Variants in ITGB3BP observed in about 807,000 individuals in gnomAD.
ITGB3BP encodes centromere protein R.
ITGB3BP carries 27 observed loss-of-function variants against 29.1 expected under a neutral mutation model. The ratio of observed to expected loss-of-function variants is 0.93; its 90% CI spans 0.68 to 1.28. ITGB3BP has a LOEUF of 1.28. Among genes scored for constraint, ITGB3BP ranks in the 50% most tolerant of loss-of-function variants. The pLI is 0.00. For synonymous variants in ITGB3BP, 61 were observed against 61.4 expected, an observed-to-expected ratio of 0.99 and a Z score of 0.03; for missense variants, 192 against 200.2, an observed-to-expected ratio of 0.96 and a Z score of 0.25.
At chr1:63,468,870 T>G (rs1645144925) in intron 4 of ITGB3BP, among the ~76,000 whole-genome samples, 1 of 85,254 alleles carries the variant, frequency 1.2e-5, no homozygotes, top group Admixed American at 1.2e-4. Context: ...TCAAAATAAA[T>G]AAATAAATAA....
chr1:63,460,125 A>G (rs912840607), intron 4 of ITGB3BP, among the ~76,000 whole-genome samples: 1 of 152,126 alleles, frequency 6.6e-6, no homozygotes, highest in Admixed American at 6.5e-5. Flanking sequence ...TTTTTCTAAA[A>G]AAATTTCTTA....
chr1:63,493,105 A>G (rs1461273803), intron 2 of ITGB3BP, among the ~76,000 whole-genome samples: 1 of 126,904 alleles, frequency 7.9e-6, no homozygotes, highest in South Asian at 2.8e-4. Flanking sequence ...CGCGCGCAAG[A>G]AAATAGATGT....
At chr1:63,506,116 T>C (rs940154936) in intron 2 of ITGB3BP, among the ~76,000 whole-genome samples, 27 of 152,326 alleles carry the variant, frequency 1.8e-4, no homozygotes, top group Non-Finnish European at 3.7e-4. Context: ...CAGTGGGTTG[T>C]TAAAGTCTCC....
chr1:63,495,961 A>G (rs1645776930), intron 2 of ITGB3BP, among the ~76,000 whole-genome samples: 1 of 152,068 alleles, frequency 6.6e-6, no homozygotes, highest in Non-Finnish European at 1.5e-5. Context: ...TCTACTCATA[A>G]CCCATTCTTG....
chr1:63,527,421 T>C (rs972998499), upstream of ITGB3BP, among the ~76,000 whole-genome samples: 3 of 110,542 alleles, frequency 2.7e-5, no homozygotes, highest in African/African-American at 4.0e-5. Flanking sequence ...ACACCTTTCA[T>C]CTATATCCTT....
At chr1:63,464,897 T>C (rs1645073770) in intron 4 of ITGB3BP, among the ~76,000 whole-genome samples, 1 of 152,104 alleles carries the variant, frequency 6.6e-6, no homozygotes, top group Non-Finnish European at 1.5e-5. Flanking sequence ...TATTTAAAAA[T>C]ATCACTGTCA....
intron 4 of ITGB3BP, among the ~76,000 whole-genome samples, chr1:63,460,591 A>C (rs915687610): frequency 6.6e-6 from 1 of 152,198 alleles, no homozygotes; most frequent in Admixed American, 6.5e-5. Flanking sequence ...ATTGTGAATA[A>C]TGATGGAATA....
intron 2 of ITGB3BP, among the ~76,000 whole-genome samples, chr1:63,493,095 C>T (rs972615660): frequency 2.6e-5 from 4 of 151,426 alleles, no homozygotes; most frequent in Admixed American, 1.3e-4. Context: ...CACACGCGCG[C>T]GCGCGCAAGA....
intron 4 of ITGB3BP, among the ~76,000 whole-genome samples, chr1:63,474,928 A>G (rs2100608143): frequency 6.6e-6 from 1 of 150,686 alleles, no homozygotes; most frequent in African/African-American, 2.4e-5. Context: ...AAACAAAACA[A>G]AACAAAAACA....
chr1:63,503,647 T>C (rs1645996773), intron 2 of ITGB3BP, among the ~76,000 whole-genome samples: 1 of 152,222 alleles, frequency 6.6e-6, no homozygotes, highest in East Asian at 1.9e-4. Context: ...TGGTTTTAGG[T>C]CTAACATTTA....
chr1:63,478,542 C>G (rs1254313353), intron 4 of ITGB3BP, among the ~76,000 whole-genome samples: 1 of 152,188 alleles, frequency 6.6e-6, no homozygotes, highest in Non-Finnish European at 1.5e-5. Flanking sequence ...GCTCGGAGAA[C>G]AGGGCTCAAT....
chr1:63,494,038 T>C (rs373809392), intron 2 of ITGB3BP, among the ~76,000 whole-genome samples: 4 of 152,362 alleles, frequency 2.6e-5, no homozygotes, highest in Admixed American at 6.5e-5. Flanking sequence ...TTACTAGTAC[T>C]AATTATGAAA....
At chr1:63,447,029 A>G (rs1644799427) in intron 7 of ITGB3BP, 173 bp from the exon 8 acceptor site, 1 of 576,472 alleles carries the variant, frequency 1.7e-6, no homozygotes, top group South Asian at 2.4e-5. Flanking sequence ...TGCTATAGTT[A>G]GCCTGATTCT....
At chr1:63,483,976 G>C (rs1317957810) in intron 3 of ITGB3BP, among the ~76,000 whole-genome samples, 1 of 152,124 alleles carries the variant, frequency 6.6e-6, no homozygotes, top group Non-Finnish European at 1.5e-5. Context: ...ACCAAACAAT[G>C]CTTTCCTCAG....
chr1:63,459,545 GA>G (rs1275586267), intron 4 of ITGB3BP, among the ~76,000 whole-genome samples: 1 of 152,056 alleles, frequency 6.6e-6, no homozygotes, highest in Non-Finnish European at 1.5e-5. Flanking sequence ...GTTGAATTAT[GA>G]AAACAATGAA....
intron 3 of ITGB3BP, among the ~76,000 whole-genome samples, chr1:63,479,257 G>A (rs188274192): frequency 3.1e-4 from 47 of 152,118 alleles, no homozygotes; most frequent in Admixed American, 6.5e-4. Flanking sequence ...CCGATACTCA[G>A]AAAATAGTTA....
chr1:63,454,748 C>T lies in ITGB3BP; in HGVS notation c.333+142G>A. Reference sequence around the variant, plus strand: ...TAAAATATTATGGTTAAATAGTGTTCTCCTATTAAAAAAAAAATTCCCATG... The same window carrying T: ...TAAAATATTATGGTTAAATAGTGTTTTCCTATTAAAAAAAAAATTCCCATG... On this transcript the variant is annotated intron_variant, in intron 5 of 8. Coordinates refer to ENST00000271002, the MANE Select transcript of ITGB3BP (RefSeq NM_014288.5). The surrounding 1 kb of genome is among the most constrained non-coding windows in gnomAD (Gnocchi z 4.1). The T allele has an allele frequency of 2.1e-6, 1 of 471,140 alleles. No individual in the cohort carries two copies. The highest frequency in any genetic ancestry group is 3.8e-5 in the Admixed American group (1 of 26,634). The allele number at this position is 471,140 out of a possible 1,614,324, so 29.2% of individuals were successfully genotyped here.
At chr1:63,450,466 T>C (rs1001801878) in intron 7 of ITGB3BP, among the ~76,000 whole-genome samples, 10 of 151,942 alleles carry the variant, frequency 6.6e-5, no homozygotes, top group South Asian at 4.1e-4. Context: ...TTAACTACTA[T>C]ATAATGCCAT....
chr1:63,516,356 G>GGAAGA (rs1557657991), intron 1 of ITGB3BP, among the ~76,000 whole-genome samples: 1 of 95,582 alleles, frequency 1.0e-5, no homozygotes, highest in African/African-American at 3.5e-5. Context: ...GCGGGGGAAG[G>GGAAGA]TGGGGGAGAA....
Sources: gnomAD v4.1 joint callset for allele counts (sites outside exome capture counted in the v4.1 genomes callset) on GRCh38, gnomAD v4.1.1 for gene constraint, Gnocchi (gnomAD v3.1) non-coding constraint, MANE v1.5 for transcripts, NCBI Gene and HGNC (gene_info 2026-07-23, HGNC 2026-07-21) for gene names.